GPC5: variants seen among roughly 807,000 people sequenced by gnomAD.
The protein encoded by GPC5 is glypican 5.
In GPC5, 47 loss-of-function variants were observed where a neutral mutation model predicts 53.9. The ratio of observed to expected loss-of-function variants is 0.87; its 90% CI spans 0.69 to 1.11. GPC5 has a LOEUF of 1.11. Among genes scored for constraint, GPC5 ranks in the 50% most tolerant of loss-of-function variants. GPC5 has a pLI of 0.00. For missense variants in GPC5, 748 were observed against 713.1 expected (o/e 1.05, Z -0.56); for synonymous variants, 286 against 263.3 (o/e 1.09, Z -0.84).
At chr13:92,061,838 C>T (rs769216002) in intron 6 of GPC5, among the ~76,000 whole-genome samples, 1 of 151,894 alleles carries the variant, frequency 6.6e-6, no homozygotes, top group Admixed American at 6.6e-5. Flanking sequence ...GGGCCTCATC[C>T]ATTTCCATTT....
chr13:92,749,965 C>T (rs901200832), intron 7 of GPC5, among the ~76,000 whole-genome samples: 1 of 152,086 alleles, frequency 6.6e-6, no homozygotes, highest in African/African-American at 2.4e-5. Flanking sequence ...CTCTCCCAGC[C>T]AGAGGCTGGT....
intron 7 of GPC5, among the ~76,000 whole-genome samples, chr13:92,487,298 G>C (rs1307524399): frequency 6.6e-6 from 1 of 152,138 alleles, no homozygotes; most frequent in African/African-American, 2.4e-5. Context: ...AGACTATTTG[G>C]ACAAATGACA....
intron 2 of GPC5, among the ~76,000 whole-genome samples, chr13:91,506,113 T>A (rs1256993486): frequency 6.6e-6 from 1 of 152,138 alleles, no homozygotes; most frequent in Non-Finnish European, 1.5e-5. Context: ...TTACTTTGCC[T>A]GAGACAGGAG....
At chr13:91,937,797 G>T (rs2039885130) in intron 6 of GPC5, among the ~76,000 whole-genome samples, 1 of 152,022 alleles carries the variant, frequency 6.6e-6, no homozygotes, top group Admixed American at 6.6e-5. Context: ...GTGTAAAATA[G>T]CAATGGCTCA....
chr13:92,842,456 G>C (rs1474660270), intron 7 of GPC5, among the ~76,000 whole-genome samples: 1 of 152,106 alleles, frequency 6.6e-6, no homozygotes, highest in Non-Finnish European at 1.5e-5. Context: ...ACGGCAAGCA[G>C]TAAGCAAGTA....
At chr13:91,602,720 A>G (rs1468698285) in intron 2 of GPC5, among the ~76,000 whole-genome samples, 1 of 152,194 alleles carries the variant, frequency 6.6e-6, no homozygotes, top group Non-Finnish European at 1.5e-5. Flanking sequence ...GTTTTGTTTG[A>G]GAGTGACTAT....
chr13:92,100,492 T>C (rs773110823), intron 6 of GPC5, among the ~76,000 whole-genome samples: 7 of 152,198 alleles, frequency 4.6e-5, no homozygotes, highest in Non-Finnish European at 8.8e-5. Flanking sequence ...ACCTACAGGA[T>C]TGACATCTTG....
chr13:92,563,579 A>G (rs965363378), intron 7 of GPC5, among the ~76,000 whole-genome samples: 13 of 152,060 alleles, frequency 8.5e-5, no homozygotes, highest in African/African-American at 3.1e-4. Flanking sequence ...AACATATATT[A>G]GTCTGTGCTA....
chr13:91,527,070 T>C (rs1886120952), intron 2 of GPC5, among the ~76,000 whole-genome samples: 1 of 152,144 alleles, frequency 6.6e-6, no homozygotes, highest in African/African-American at 2.4e-5. Context: ...CCCTGGCCCC[T>C]CCTAAATTGC....
In GPC5 at chr13:92,101,654, CTCAAG is replaced by C. The variant is rs535592687; in HGVS notation, c.1402-43172_1402-43168del. On this transcript the variant is annotated intron_variant, in intron 6 of 7. Transcript: ENST00000377067. ...CATCAAATTAATTTATGCACACTAC[CTCAAG>C]TCATTTGTAGCAAGAATATGCAAAA... Among the ~76,000 whole-genome samples the C allele has an allele frequency of 3.3e-5, 5 of 152,278 alleles. No individual in the cohort carries two copies. In the South Asian group the frequency reaches 1.0e-3, roughly 32 times the overall value.
chr13:92,821,130 G>T (rs1877659173), intron 7 of GPC5, among the ~76,000 whole-genome samples: 1 of 152,120 alleles, frequency 6.6e-6, no homozygotes, highest in Non-Finnish European at 1.5e-5. Context: ...CAAAGCATTT[G>T]TATTTGGAGT....
intron 7 of GPC5, among the ~76,000 whole-genome samples, chr13:92,482,134 A>G (rs1879382661): frequency 6.6e-6 from 1 of 152,100 alleles, no homozygotes; most frequent in Admixed American, 6.5e-5. Flanking sequence ...TCTGCCTAAA[A>G]AAAAAAAATT....
At chr13:91,628,012 A>C (rs1001268864) in intron 2 of GPC5, among the ~76,000 whole-genome samples, 2 of 152,148 alleles carry the variant, frequency 1.3e-5, no homozygotes, top group African/African-American at 2.4e-5. Context: ...ATAATTTACA[A>C]AATTTTAATA....
chr13:91,760,903 C>A (rs2037397021), intron 5 of GPC5, among the ~76,000 whole-genome samples: 1 of 152,266 alleles, frequency 6.6e-6, no homozygotes, highest in East Asian at 1.9e-4. Context: ...GTATTCATAT[C>A]ATATACTCTA....
intron 3 of GPC5, among the ~76,000 whole-genome samples, chr13:91,722,348 C>G (rs927613845): frequency 1.3e-5 from 2 of 152,148 alleles, no homozygotes; most frequent in Non-Finnish European, 2.9e-5. Flanking sequence ...CTAGATTTTT[C>G]TGAAGATTTC....
At chr13:92,403,704 G>A (rs184521886) in intron 7 of GPC5, among the ~76,000 whole-genome samples, 1 of 152,134 alleles carries the variant, frequency 6.6e-6, no homozygotes, top group Non-Finnish European at 1.5e-5. Context: ...ATGGTTACAC[G>A]ATAATTATTC....
At chr13:92,147,315 T>A (rs1379417869) in intron 7 of GPC5, among the ~76,000 whole-genome samples, 3 of 152,060 alleles carry the variant, frequency 2.0e-5, no homozygotes, top group Non-Finnish European at 4.4e-5. Flanking sequence ...TTATTTGTAC[T>A]ATAATTGCAT....
chr13:92,139,598 C>T (rs2041813827), intron 6 of GPC5, among the ~76,000 whole-genome samples: 1 of 136,956 alleles, frequency 7.3e-6, no homozygotes. Context: ...ACCTGGGAGG[C>T]AGAGGTTGCA....
intron 7 of GPC5, among the ~76,000 whole-genome samples, chr13:92,275,327 A>G (rs1369685581): frequency 1.3e-5 from 2 of 152,200 alleles, no homozygotes; most frequent in Non-Finnish European, 2.9e-5. Context: ...GCATCGCCAC[A>G]GATATGCAAA....
Sources: gnomAD v4.1 joint callset for allele counts (sites outside exome capture counted in the v4.1 genomes callset) on GRCh38, gnomAD v4.1.1 for gene constraint, MANE v1.5 for transcripts, NCBI Gene and HGNC (gene_info 2026-07-23, HGNC 2026-07-21) for gene names.